The following ELAVL2 variants were observed in gnomAD, a reference collection of about 807,000 sequenced individuals.
ELAVL2 encodes ELAV-like protein 2.
In ELAVL2, 4 loss-of-function variants were observed where a neutral mutation model predicts 34.6. That is an observed-to-expected ratio of 0.12 (90% CI 0.06 to 0.26). The LOEUF is 0.26. Ranked by LOEUF, ELAVL2 falls within the 10% of genes least tolerant of loss-of-function variation. The pLI, the probability that ELAVL2 is intolerant of heterozygous loss-of-function variation, is 1.00. For missense variants in ELAVL2, 432 were observed against 442.8 expected (o/e 0.98, Z 0.22); for synonymous variants, 193 against 154.8 (o/e 1.25, Z -1.83).
intron 5 of ELAVL2, among the ~76,000 whole-genome samples, chr9:23,697,782 G>A (rs1290537619): frequency 6.6e-6 from 1 of 152,064 alleles, no homozygotes; most frequent in Admixed American, 6.5e-5. Flanking sequence ...AAGGGGAAAT[G>A]TGAACCCGAT....
At chr9:23,715,016 C>A (rs2041938463) in intron 3 of ELAVL2, among the ~76,000 whole-genome samples, 1 of 152,108 alleles carries the variant, frequency 6.6e-6, no homozygotes, top group Admixed American at 6.5e-5. Flanking sequence ...ACAGTATTAC[C>A]ATTCAAAGCT....
intron 2 of ELAVL2, among the ~76,000 whole-genome samples, chr9:23,753,130 T>G (rs565748106): frequency 5.9e-5 from 9 of 152,170 alleles, no homozygotes; most frequent in East Asian, 5.8e-4. Flanking sequence ...AGCCACTGTA[T>G]AGACCTGACA....
chr9:23,719,681 A>G (rs555099688), intron 3 of ELAVL2, among the ~76,000 whole-genome samples: 1 of 152,316 alleles, frequency 6.6e-6, no homozygotes, highest in Admixed American at 6.5e-5. Context: ...AATGTGTGGA[A>G]GCTCTTATAA....
chr9:23,764,013 C>CT (rs1179378364), intron 1 of ELAVL2, among the ~76,000 whole-genome samples: 1 of 152,096 alleles, frequency 6.6e-6, no homozygotes, highest in Non-Finnish European at 1.5e-5. Flanking sequence ...ATTAGCAAAT[C>CT]TATTTGAATT....
intron 1 of ELAVL2, among the ~76,000 whole-genome samples, chr9:23,816,317 TAAAAAAAAAAAAAAAAA>T (rs10717104): frequency 2.2e-5 from 1 of 44,696 alleles, no homozygotes; most frequent in Non-Finnish European, 3.8e-5. Context: ...AAGCTTTCAG[TAAAAAAAAAAAAAAAAA>T]AAAAAAAAAA....
chr9:23,777,635 G>A (rs188774600), intron 1 of ELAVL2, among the ~76,000 whole-genome samples: 42 of 152,180 alleles, frequency 2.8e-4, no homozygotes, highest in Non-Finnish European at 5.4e-4. Context: ...TGGGAAACGG[G>A]GGGTATCATG....
chr9:23,759,750 A>T lies in ELAVL2; in HGVS notation c.229+2256T>A, dbSNP rs546385573. Reference sequence around the variant, plus strand: ...ATATATATGTGTATACATCATATATAGTATTATATATATATATATATATAT... The same window carrying T: ...ATATATATGTGTATACATCATATATTGTATTATATATATATATATATATAT... On this transcript the variant is annotated intron_variant, in intron 2 of 6. Coordinates refer to ENST00000397312, the MANE Select transcript of ELAVL2 (RefSeq NM_004432.5). Among the ~76,000 whole-genome samples the T allele has an allele frequency of 2.8e-3, 275 of 97,548 alleles. 2 individuals are homozygous for T. The highest frequency in any genetic ancestry group is 3.9e-3 in the Non-Finnish European group (209 of 53,696). 64.0% of individuals were successfully genotyped at this position (97,548 alleles called of 152,430 possible). A position where few individuals can be genotyped will look rare whatever the true frequency, so the allele number is the denominator to read the frequency against.
intron 3 of ELAVL2, among the ~76,000 whole-genome samples, chr9:23,713,839 G>C (rs894539420): frequency 3.9e-5 from 6 of 152,126 alleles, no homozygotes; most frequent in South Asian, 2.1e-4. Flanking sequence ...GTTTGGACCA[G>C]AACCCTCCCA....
intron 1 of ELAVL2, among the ~76,000 whole-genome samples, chr9:23,777,737 GA>G (rs767403032): frequency 3.3e-5 from 5 of 152,160 alleles, no homozygotes; most frequent in Non-Finnish European, 7.4e-5. Context: ...ATCAATTAAG[GA>G]AGAACAACTG....
At chr9:23,693,832 T>C (rs907258630) in intron 5 of ELAVL2, among the ~76,000 whole-genome samples, 5 of 152,200 alleles carry the variant, frequency 3.3e-5, no homozygotes, top group African/African-American at 4.8e-5. Context: ...ATGTTCTTTA[T>C]ACTACTTTTG....
chr9:23,844,860 T>C, the ELAVL2 span, among the ~76,000 whole-genome samples: 1 of 152,036 alleles, frequency 6.6e-6, no homozygotes, highest in Admixed American at 6.6e-5. Flanking sequence ...GAACACAAAA[T>C]GTGATGACTT....
chr9:23,727,647 T>C (rs1301208268), intron 3 of ELAVL2, among the ~76,000 whole-genome samples: 3 of 151,972 alleles, frequency 2.0e-5, no homozygotes, highest in Admixed American at 6.6e-5. Flanking sequence ...AGGGATCGAG[T>C]AGATCTACAG....
chr9:23,818,542 T>C (rs1325812957), intron 1 of ELAVL2, among the ~76,000 whole-genome samples: 1 of 152,102 alleles, frequency 6.6e-6, no homozygotes, highest in Non-Finnish European at 1.5e-5. Context: ...TCCAGCTGAG[T>C]AGCCAAGAAA....
chr9:23,698,836 G>T (rs779459615), intron 5 of ELAVL2, among the ~76,000 whole-genome samples: 6 of 152,140 alleles, frequency 3.9e-5, no homozygotes, highest in Non-Finnish European at 7.4e-5. Context: ...GGTTAAACCT[G>T]AAATCTGATT....
intron 1 of ELAVL2, among the ~76,000 whole-genome samples, chr9:23,762,581 C>T (rs1031741175): frequency 1.3e-5 from 2 of 151,938 alleles, no homozygotes; most frequent in African/African-American, 4.8e-5. Context: ...TACCAAAGGG[C>T]ACAGAATTGA....
At chr9:23,782,801 T>C (rs1230783243) in intron 1 of ELAVL2, among the ~76,000 whole-genome samples, 2 of 152,252 alleles carry the variant, frequency 1.3e-5, no homozygotes, top group Middle Eastern at 3.2e-3. Context: ...ACCAGCCTGC[T>C]TGACCACCAA....
At chr9:23,722,917 A>C (rs2044105612) in intron 3 of ELAVL2, among the ~76,000 whole-genome samples, 2 of 152,192 alleles carry the variant, frequency 1.3e-5, no homozygotes, top group Admixed American at 6.5e-5. Context: ...TTAACTTCAC[A>C]AGCCAGGTAT....
At chr9:23,835,434 T>A in the ELAVL2 span, among the ~76,000 whole-genome samples, 1 of 152,104 alleles carries the variant, frequency 6.6e-6, no homozygotes, top group Admixed American at 6.5e-5. Flanking sequence ...CCATCTCCAC[T>A]TATATTTTTA....
At chr9:23,744,297 T>C (rs1232194438) in intron 2 of ELAVL2, among the ~76,000 whole-genome samples, 1 of 152,206 alleles carries the variant, frequency 6.6e-6, no homozygotes, top group South Asian at 2.1e-4. Flanking sequence ...TACAAAATGT[T>C]AGGTATTCAA....
Sources: allele counts gnomAD v4.1 joint callset (sites outside exome capture counted in the v4.1 genomes callset), GRCh38; gene constraint gnomAD v4.1.1; transcripts MANE v1.5; gene names NCBI Gene and HGNC (gene_info 2026-07-23, HGNC 2026-07-21).